SRP9: variants seen among roughly 807,000 people sequenced by gnomAD.
The protein encoded by SRP9 is signal recognition particle 9 kDa protein.
A neutral mutation model predicts 11.7 loss-of-function variants in SRP9; 2 were observed. The ratio of observed to expected loss-of-function variants is 0.17; its 90% confidence interval spans 0.07 to 0.54. The LOEUF (loss-of-function observed/expected upper bound fraction) is 0.54. Among genes scored for constraint, SRP9 ranks in the 20% least tolerant of loss-of-function variants. The probability of loss-of-function intolerance (pLI) is 0.94; values close to 1 mark genes in which losing one functional copy is unlikely to be tolerated. For missense variants in SRP9, 54 were observed against 108.1 expected, an observed-to-expected ratio of 0.50 and a Z score of 2.22; for synonymous variants, 27 against 35.6, an observed-to-expected ratio of 0.76 and a Z score of 0.86.
intron 2 of SRP9, chr1:225,786,914 C>G (rs1559006400): frequency 1.1e-6 from 1 of 903,382 alleles, no homozygotes; most frequent in Non-Finnish European, 1.6e-6. Context: ...ATGATCATAG[C>G]TCACTGCATC....
At chr1:225,784,149 T>C (rs978273199) in intron 2 of SRP9, among the ~76,000 whole-genome samples, 5 of 151,706 alleles carry the variant, frequency 3.3e-5, no homozygotes, top group African/African-American at 1.2e-4. Flanking sequence ...TTAGTTCATA[T>C]TCTTCTGACT....
At chr1:225,784,372 G>A (rs1050566973) in intron 2 of SRP9, among the ~76,000 whole-genome samples, 7 of 148,270 alleles carry the variant, frequency 4.7e-5, no homozygotes, top group South Asian at 2.2e-4. Context: ...TCAGCCTCCC[G>A]AGTAGCTGGG....
chr1:225,786,804 A>C, intron 2 of SRP9: 1 of 1,254,516 alleles, frequency 8.0e-7, no homozygotes, highest in Non-Finnish European at 1.0e-6. Flanking sequence ...TGGTAGATTG[A>C]GTACATGTAT....
At chr1:225,786,016 T>C (rs1012583351) in intron 2 of SRP9, among the ~76,000 whole-genome samples, 20 of 152,228 alleles carry the variant, frequency 1.3e-4, no homozygotes, top group African/African-American at 4.8e-4. Flanking sequence ...CTAATTTGAT[T>C]GTTACTCCCT....
chr1:225,786,287 C>T (rs1665909562), intron 2 of SRP9, among the ~76,000 whole-genome samples: 1 of 152,204 alleles, frequency 6.6e-6, no homozygotes, highest in African/African-American at 2.4e-5. Flanking sequence ...ATTCTTTTAT[C>T]ACATTTGTCT....
At chr1:225,781,155 G>C (rs1020497294) in intron 1 of SRP9, among the ~76,000 whole-genome samples, 11 of 152,086 alleles carry the variant, frequency 7.2e-5, no homozygotes, top group African/African-American at 2.4e-4. Flanking sequence ...GCATTTCAAA[G>C]CCACCTCCTT....
intron 1 of SRP9, among the ~76,000 whole-genome samples, chr1:225,782,233 G>A (rs977535575): frequency 1.6e-4 from 25 of 151,752 alleles, no homozygotes; most frequent in African/African-American, 2.9e-4. Flanking sequence ...GTGCGATCTC[G>A]GCTCACTGCA....
chr1:225,788,803 A>T (rs1226648158), intron 2 of SRP9, among the ~76,000 whole-genome samples: 3 of 152,168 alleles, frequency 2.0e-5, no homozygotes, highest in Non-Finnish European at 4.4e-5. Flanking sequence ...TCAAACCCCC[A>T]ATTTCACCAG....
intron 2 of SRP9, chr1:225,788,992 T>C: frequency 6.5e-7 from 1 of 1,546,820 alleles, no homozygotes; most frequent in Non-Finnish European, 8.7e-7. Context: ...TTAACATTTT[T>C]CAGAAGCTTC....
At chr1:225,787,782 A>T (rs1575955161) in intron 2 of SRP9, among the ~76,000 whole-genome samples, 1 of 152,204 alleles carries the variant, frequency 6.6e-6, no homozygotes, top group Non-Finnish European at 1.5e-5. Flanking sequence ...ACATTCTCTC[A>T]TAGGACATGT....
chr1:225,785,095 C>T (rs115181051), intron 2 of SRP9, among the ~76,000 whole-genome samples: 2,265 of 151,872 alleles, frequency 0.015, 57 homozygotes, highest in African/African-American at 0.051. Flanking sequence ...TCTATTTAGA[C>T]GGAGTCTCGC....
In SRP9 at chr1:225,778,046, C is replaced by A. The variant is rs772167551; in HGVS notation, c.72+34C>A. The A allele has an allele frequency of 9.9e-6, 16 of 1,612,288 alleles. No homozygotes were observed. In the South Asian group the frequency reaches 1.8e-4, roughly 18 times the overall value. ...CTGGCGGGGCCGCTGCTTTGGGCCC[C>A]AGCCCAGGATGTCTTCCCGCCATCC... On this transcript the variant is annotated intron_variant, in intron 1 of 2. Transcript: ENST00000304786.
In SRP9 at chr1:225,781,395, C is replaced by CTTTTTTTTTTTTTTTTTT. The variant is rs11315558; in HGVS notation, c.73-1901_73-1884dup. ...GATTGGCCTTTTTTCTTTTCTTTTT[C>CTTTTTTTTTTTTTTTTTT]TTTTTTTTTTTTTTTTTTTTTGAGA... On this transcript the variant is annotated intron_variant, in intron 1 of 2. Transcript: ENST00000304786. 4.8e-4 allele frequency among the ~76,000 whole-genome samples: 42 copies of CTTTTTTTTTTTTTTTTTT among 87,768 alleles called. 1 individual carries two copies. Among genetic ancestry groups the CTTTTTTTTTTTTTTTTTT allele is most frequent in the East Asian group, 7.8e-4 (2 of 2,554 alleles). 57.6% of individuals were successfully genotyped at this position (87,768 alleles called of 152,430 possible). A position where few individuals can be genotyped will look rare whatever the true frequency, so the allele number is the denominator to read the frequency against.
chr1:225,788,414 AT>A (rs35284825), intron 2 of SRP9, among the ~76,000 whole-genome samples: 31,607 of 127,900 alleles, frequency 0.25, 2,894 homozygotes, highest in East Asian at 0.34. Flanking sequence ...GCAAATCAAG[AT>A]TTTTTTTTTT....
intron 1 of SRP9, among the ~76,000 whole-genome samples, chr1:225,782,971 A>G (rs966053247): frequency 6.6e-6 from 1 of 152,178 alleles, no homozygotes; most frequent in African/African-American, 2.4e-5. Flanking sequence ...GTTGGTGTAT[A>G]TTCTTATTGG....
chr1:225,784,315 C>T (rs1320545954), intron 2 of SRP9, among the ~76,000 whole-genome samples: 3 of 125,674 alleles, frequency 2.4e-5, no homozygotes, highest in Admixed American at 1.0e-4. Flanking sequence ...GGTGTGATCT[C>T]GGCTCACTGC....
intron 2 of SRP9, among the ~76,000 whole-genome samples, chr1:225,783,737 C>T (rs1665842080): frequency 6.6e-6 from 1 of 152,204 alleles, no homozygotes; most frequent in African/African-American, 2.4e-5. Context: ...GTTACTTCCT[C>T]ATATCCCATT....
At chr1:225,785,526 G>A (rs982576515) in intron 2 of SRP9, among the ~76,000 whole-genome samples, 8 of 151,966 alleles carry the variant, frequency 5.3e-5, no homozygotes, top group Admixed American at 2.0e-4. Flanking sequence ...GACTACAGGC[G>A]CCCGCCACCA....
intron 1 of SRP9, 123 bp downstream of exon 1, chr1:225,778,135 T>C: frequency 1.9e-6 from 2 of 1,064,558 alleles, no homozygotes; most frequent in Non-Finnish European, 2.8e-6. Context: ...AAATGGACCC[T>C]GCCAAGTTAA....
Sources: gnomAD v4.1 joint callset for allele counts (sites outside exome capture counted in the v4.1 genomes callset) on GRCh38, gnomAD v4.1.1 for gene constraint, MANE v1.5 for transcripts, NCBI Gene and HGNC (gene_info 2026-07-23, HGNC 2026-07-21) for gene names.